Variants in KCND2 observed in about 807,000 individuals in gnomAD.
The protein encoded by KCND2 is A-type voltage-gated potassium channel KCND2.
In KCND2, 16 loss-of-function variants were observed where a neutral mutation model predicts 54.4. The observed-to-expected ratio is 0.29, with a 90% CI of 0.20 to 0.45. KCND2 has a LOEUF of 0.45. KCND2 is among the 20% of genes least tolerant of loss of function. KCND2 has a pLI of 1.00. For synonymous variants in KCND2, 317 were observed against 310.7 expected, an observed-to-expected ratio of 1.02 and a Z score of -0.21; for missense variants, 486 against 824.2, an observed-to-expected ratio of 0.59 and a Z score of 5.02.
At chr7:120,583,865 G>A (rs1278434599) in intron 1 of KCND2, among the ~76,000 whole-genome samples, 2 of 151,800 alleles carry the variant, frequency 1.3e-5, no homozygotes, top group African/African-American at 2.4e-5. Context: ...AAAGAGAAGA[G>A]AGACATTAAA....
At chr7:120,644,606 C>T (rs34238259) in intron 1 of KCND2, among the ~76,000 whole-genome samples, 59,124 of 151,992 alleles carry the variant, frequency 0.39, 13,553 homozygotes, top group African/African-American at 0.62. Context: ...AAATATTCCC[C>T]CTGGGCAGAA....
At chr7:120,739,423 G>T (rs1017668858) in intron 2 of KCND2, among the ~76,000 whole-genome samples, 1 of 151,970 alleles carries the variant, frequency 6.6e-6, no homozygotes, top group African/African-American at 2.4e-5. Context: ...GTTTCACTGA[G>T]TCTGGTCTGA....
intron 3 of KCND2, among the ~76,000 whole-genome samples, chr7:120,741,902 A>G (rs184838392): frequency 6.6e-6 from 1 of 152,060 alleles, no homozygotes; most frequent in African/African-American, 2.4e-5. Flanking sequence ...AACATGGTAA[A>G]GGTAAAAAAA....
intron 1 of KCND2, among the ~76,000 whole-genome samples, chr7:120,512,806 T>C (rs1803139648): frequency 6.7e-6 from 1 of 148,686 alleles, no homozygotes; most frequent in Non-Finnish European, 1.5e-5. Flanking sequence ...TTTTTCTTTT[T>C]TTTTTTTTTT....
chr7:120,710,028 C>T (rs1241284085), intron 1 of KCND2, among the ~76,000 whole-genome samples: 4 of 152,100 alleles, frequency 2.6e-5, no homozygotes, highest in Non-Finnish European at 5.9e-5. Context: ...AGCATGAGGC[C>T]TTTATGAGCT....
At chr7:120,507,531 T>G (rs1335784988) in intron 1 of KCND2, among the ~76,000 whole-genome samples, 1 of 151,972 alleles carries the variant, frequency 6.6e-6, no homozygotes, top group Non-Finnish European at 1.5e-5. Context: ...TAAATTTTCC[T>G]TATGGAATGT....
intron 1 of KCND2, among the ~76,000 whole-genome samples, chr7:120,546,623 T>C (rs1792045258): frequency 6.6e-6 from 1 of 151,968 alleles, no homozygotes; most frequent in African/African-American, 2.4e-5. Flanking sequence ...TTGTATTTTT[T>C]ATAATTCTTC....
At chr7:120,450,926 T>A (rs1802096277) in intron 1 of KCND2, among the ~76,000 whole-genome samples, 2 of 152,180 alleles carry the variant, frequency 1.3e-5, no homozygotes, top group South Asian at 4.1e-4. Context: ...TGATGTCCAA[T>A]GGCCATGCCA....
chr7:120,630,006 G>A (rs1339921816), intron 1 of KCND2, among the ~76,000 whole-genome samples: 1 of 152,080 alleles, frequency 6.6e-6, no homozygotes, highest in Admixed American at 6.6e-5. Flanking sequence ...TATTAACCGG[G>A]GAGTCAATGG....
At chr7:120,571,556 C>T (rs1001927619) in intron 1 of KCND2, among the ~76,000 whole-genome samples, 4 of 152,120 alleles carry the variant, frequency 2.6e-5, no homozygotes, top group Admixed American at 6.5e-5. Flanking sequence ...TCTAGAAAAA[C>T]GTGAAGAGGA....
chr7:120,332,466 T>A (rs539025171), intron 1 of KCND2, among the ~76,000 whole-genome samples: 22 of 152,230 alleles, frequency 1.4e-4, no homozygotes, highest in African/African-American at 4.6e-4. Context: ...GTGGTTGACA[T>A]CTCTTAGAAT....
intron 1 of KCND2, among the ~76,000 whole-genome samples, chr7:120,599,880 G>A (rs1792793029): frequency 6.6e-6 from 1 of 151,864 alleles, no homozygotes. Context: ...CTGATTACAG[G>A]AGGAACATGT....
intron 1 of KCND2, among the ~76,000 whole-genome samples, chr7:120,376,820 A>T (rs915999995): frequency 6.6e-6 from 1 of 151,918 alleles, no homozygotes; most frequent in East Asian, 1.9e-4. Flanking sequence ...AAATTTATGT[A>T]TGTTAATTGT....
chr7:120,488,661 A>G (rs1465311648), intron 1 of KCND2, among the ~76,000 whole-genome samples: 1 of 151,992 alleles, frequency 6.6e-6, no homozygotes, highest in Non-Finnish European at 1.5e-5. Flanking sequence ...AACCTCTTTC[A>G]TGTTTATTTA....
At chr7:120,572,065 C>A (rs1404758488) in intron 1 of KCND2, among the ~76,000 whole-genome samples, 1 of 152,040 alleles carries the variant, frequency 6.6e-6, no homozygotes, top group Admixed American at 6.6e-5. Context: ...CTTTCATGTG[C>A]GTAGCAGCTG....
chr7:120,446,971 A>T (rs543090489), intron 1 of KCND2, among the ~76,000 whole-genome samples: 3 of 152,344 alleles, frequency 2.0e-5, no homozygotes, highest in Admixed American at 2.0e-4. Context: ...GAAACAATGC[A>T]GTGTTTTACT....
At chr7:120,741,197 G>A (rs1293395770) in intron 2 of KCND2, among the ~76,000 whole-genome samples, 3 of 152,020 alleles carry the variant, frequency 2.0e-5, no homozygotes, top group Admixed American at 6.6e-5. Flanking sequence ...TACTCAGATC[G>A]GGATAAATGA....
At chr7:120,278,142 T>C (rs887594579) in intron 1 of KCND2, among the ~76,000 whole-genome samples, 1 of 152,018 alleles carries the variant, frequency 6.6e-6, no homozygotes, top group African/African-American at 2.4e-5. Flanking sequence ...CAGAATTTCA[T>C]AGAAAAATGT....
At chr7:120,521,459 G>A (rs925321860) in intron 1 of KCND2, among the ~76,000 whole-genome samples, 2 of 151,740 alleles carry the variant, frequency 1.3e-5, no homozygotes, top group Non-Finnish European at 2.9e-5. Flanking sequence ...TCTTCCTTGG[G>A]CCTTCAAATT....
Sources: allele counts gnomAD v4.1 joint callset (sites outside exome capture counted in the v4.1 genomes callset), GRCh38; gene constraint gnomAD v4.1.1; transcripts MANE v1.5; gene names NCBI Gene and HGNC (gene_info 2026-07-23, HGNC 2026-07-21).